SVEP1: variants seen among roughly 807,000 people sequenced by gnomAD.
SVEP1 encodes the protein sushi, von Willebrand factor type A, EGF and pentraxin domain-containing protein 1.
A neutral mutation model predicts 367.3 loss-of-function variants in SVEP1; 164 were observed. The ratio of observed to expected loss-of-function variants is 0.45; its 90% CI spans 0.39 to 0.51. SVEP1 has a LOEUF of 0.51. Among genes scored for constraint, SVEP1 ranks in the 20% least tolerant of loss-of-function variants. SVEP1 has a pLI of 0.00. For missense variants in SVEP1, 4,117 were observed against 4,425.3 expected, an observed-to-expected ratio of 0.93 and a Z score of 1.98; for synonymous variants, 1,666 against 1,611.6, an observed-to-expected ratio of 1.03 and a Z score of -0.81.
chr9:110,435,377 T>C lies in SVEP1; in HGVS notation c.4765-13A>G, dbSNP rs13288154. On this transcript the variant is annotated splice_polypyrimidine_tract_variant and intron_variant, in intron 28 of 47. Transcript: ENST00000374469. ...CCAGTGACTTCACCTGAAAGTTTAA[T>C]AACACTTTAGATAAGCCTTACTTGT... 0.085 allele frequency: 136,598 copies of C among 1,611,904 alleles called. 6,519 individuals are homozygous for C. Among genetic ancestry groups the C allele is most frequent in the Non-Finnish European group, 0.098 (115,116 of 1,178,470 alleles).
chr9:110,446,934 A>G lies in SVEP1; in HGVS notation c.4227T>C (p.Cys1409=). Reference sequence around the variant, plus strand: ...ACCTTTTGCCTGAAAATCCTGGCTGACATTTACAACTGTATGAATTTAATT... The same window carrying G: ...ACCTTTTGCCTGAAAATCCTGGCTGGCATTTACAACTGTATGAATTTAATT... ...VDELNSYSCK[C]QPGFSGKRCE... is the part of the protein sequence containing the mutation. The change falls in exon 25 of 48, where the codon TGT becomes TGC. Residue 1409 remains cysteine, a synonymous_variant. Transcript: ENST00000374469. 3 of 1,539,878 alleles carry G rather than the reference A, an allele frequency of 1.9e-6. No homozygotes were observed. The highest frequency in any genetic ancestry group is 2.6e-6 in the Non-Finnish European group (3 of 1,142,576).
At chr9:110,451,265 A>G (rs1446743894) in intron 23 of SVEP1, 24 bp downstream of exon 23, 1 of 1,575,174 alleles carries the variant, frequency 6.3e-7, no homozygotes, top group Non-Finnish European at 8.7e-7. Flanking sequence ...TTAAGACAAC[A>G]TAGGAAGACT....
At position 110,459,072 on chromosome 9, in the gene SVEP1, G is replaced by A. The variant is rs757038577; in HGVS notation, c.3364C>T (p.Pro1122Ser). The change falls in exon 19 of 48, where the codon CCC becomes TCC. Residue 1122 changes from proline to serine, a missense_variant. By Grantham distance (74) the Pro-to-Ser change is moderately conservative. Coordinates refer to ENST00000374469, the MANE Select transcript of SVEP1 (RefSeq NM_153366.4). ...TAGTCACGAGGACATGGGTGACAGG[G>A]CATTAACCCAGAACGCGAGAATTTT... ...EGKFSRSGLM[P>S]CHPCPRDYYQ... is the part of the protein sequence containing the mutation. 5 of 1,613,734 alleles carry A rather than the reference G, an allele frequency of 3.1e-6. No homozygotes were observed. In the Middle Eastern group the frequency reaches 6.6e-4, roughly 213 times the overall value.
At chr9:110,367,062 A>T (rs2118930100) in intron 47 of SVEP1, among the ~76,000 whole-genome samples, 1 of 152,360 alleles carries the variant, frequency 6.6e-6, no homozygotes, top group South Asian at 2.1e-4. Flanking sequence ...GGATGCCACA[A>T]GGCATTTCTC....
At chr9:110,430,990 A>C (rs560612893) in intron 32 of SVEP1, among the ~76,000 whole-genome samples, 9 of 152,344 alleles carry the variant, frequency 5.9e-5, no homozygotes, top group African/African-American at 2.2e-4. Context: ...TGAGCAAGAA[A>C]AGTGAATATA....
At chr9:110,398,041 C>G (rs1469819751) in intron 40 of SVEP1, among the ~76,000 whole-genome samples, 1 of 146,522 alleles carries the variant, frequency 6.8e-6, no homozygotes, top group Non-Finnish European at 1.5e-5. Flanking sequence ...CAAGTCAATC[C>G]TAAGCCAAAA....
chr9:110,557,640 A>G (rs897576896), intron 1 of SVEP1, among the ~76,000 whole-genome samples: 2 of 152,156 alleles, frequency 1.3e-5, no homozygotes, highest in Non-Finnish European at 2.9e-5. Flanking sequence ...CTTTTTCACC[A>G]TCCATGAATG....
Position 110,465,446 on chromosome 9 carries a change from C to T in SVEP1, c.3322+419G>A, listed in dbSNP as rs75969028. On this transcript the variant is annotated intron_variant, in intron 18 of 47. Transcript: ENST00000374469. ...TGCTGCCTGACTGAATAACTACTCA[C>T]GAAAACCTTCAACTCGTAAGGAATG... 9.9e-3 allele frequency among the ~76,000 whole-genome samples: 1,508 copies of T among 152,182 alleles called. 14 individuals are homozygous for T. Among genetic ancestry groups the T allele is most frequent in the Non-Finnish European group, 0.015 (1,001 of 68,018 alleles).
At chr9:110,479,828 T>G (rs939291446) in intron 12 of SVEP1, 72 bp from the exon 13 acceptor site, 1 of 1,544,376 alleles carries the variant, frequency 6.5e-7, no homozygotes, top group Non-Finnish European at 8.7e-7. Flanking sequence ...TTCTATGAAA[T>G]AATTGAAACA....
chr9:110,575,026 T>A (rs1362099976), intron 1 of SVEP1, among the ~76,000 whole-genome samples: 2 of 152,178 alleles, frequency 1.3e-5, no homozygotes, highest in Non-Finnish European at 2.9e-5. Context: ...ATTACAGGCC[T>A]GAGCCACCGC....
intron 3 of SVEP1, among the ~76,000 whole-genome samples, chr9:110,514,376 G>A (rs1829768756): frequency 6.6e-6 from 1 of 151,990 alleles, no homozygotes; most frequent in African/African-American, 2.4e-5. Context: ...AGCTGGGTGT[G>A]GTGGCGTGTG....
At position 110,429,213 on chromosome 9, in the gene SVEP1, T is replaced by G. The variant is rs746602587; in HGVS notation, c.5737A>C (p.Asn1913His). The change falls in exon 35 of 48, where the codon AAT becomes CAT. Residue 1913 changes from asparagine to histidine, a missense_variant. Asn to His is a moderately conservative substitution (Grantham distance 68). Coordinates refer to ENST00000374469, the MANE Select transcript of SVEP1 (RefSeq NM_153366.4). Reference sequence around the variant, plus strand: ...AGCCCACTCAAAATATATTTTCCATTATTTATATTTTCCGGACTAGAACAC... The same window carrying G: ...AGCCCACTCAAAATATATTTTCCATGATTTATATTTTCCGGACTAGAACAC... ...VKCSSPENIN[N>H]GKYILSGLTY... is the part of the protein sequence containing the mutation. 6.3e-7 allele frequency: 1 copy of G among 1,596,650 alleles called. No homozygotes were observed. Among genetic ancestry groups the G allele is most frequent in the Admixed American group, 1.7e-5 (1 of 57,670 alleles).
intron 40 of SVEP1, among the ~76,000 whole-genome samples, chr9:110,393,554 T>C (rs10759429): frequency 0.66 from 99,803 of 152,066 alleles, 32,813 homozygotes; most frequent in Middle Eastern, 0.78. Flanking sequence ...CAAAGCAGAA[T>C]GAGGCATCGC....
At chr9:110,452,796 T>C (rs1828713281) in intron 22 of SVEP1, among the ~76,000 whole-genome samples, 1 of 152,240 alleles carries the variant, frequency 6.6e-6, no homozygotes, top group Admixed American at 6.5e-5. Context: ...TGATAGAGTA[T>C]GCTATCACTT....
chr9:110,542,682 A>G (rs530491939), intron 3 of SVEP1, among the ~76,000 whole-genome samples: 28 of 152,148 alleles, frequency 1.8e-4, no homozygotes, highest in Non-Finnish European at 2.9e-4. Context: ...TCTGCTCACT[A>G]TTGAATACCT....
Position 110,435,367 on chromosome 9 carries a change from G to A in SVEP1, c.4765-3C>T. 1 of 1,612,546 alleles carries A rather than the reference G, an allele frequency of 6.2e-7. No individual in the cohort carries two copies. Among genetic ancestry groups the A allele is most frequent in the Non-Finnish European group, 8.5e-7 (1 of 1,178,992 alleles). On this transcript the variant is annotated splice_region_variant and splice_polypyrimidine_tract_variant and intron_variant, in intron 28 of 47. Coordinates refer to ENST00000374469, the MANE Select transcript of SVEP1 (RefSeq NM_153366.4). The stretch of plus-strand genomic sequence containing the variant: ...CAGGAGGTAGCCAGTGACTTCACCT[G>A]AAAGTTTAATAACACTTTAGATAAG...
At chr9:110,390,054 TATATATATAA>T (rs1827609466) in intron 40 of SVEP1, among the ~76,000 whole-genome samples, 3 of 90,252 alleles carry the variant, frequency 3.3e-5, no homozygotes, top group Non-Finnish European at 6.8e-5. Flanking sequence ...TATATACACG[TATATATATAA>T]GTATATATAT....
At position 110,406,906 on chromosome 9, in the gene SVEP1, G is replaced by C; in HGVS notation, c.8694C>G (p.Ala2898=). 2 of 1,613,922 alleles carry C rather than the reference G, an allele frequency of 1.2e-6. No homozygotes were observed. The highest frequency in any genetic ancestry group is 1.7e-6 in the Non-Finnish European group (2 of 1,179,888). ...AGTCCAGGCCTTCCGTCACCCCATTGGCCAGTTGTGGCGGGGTGGCACATC... is the reference window on the plus strand; with the variant it reads ...AGTCCAGGCCTTCCGTCACCCCATTCGCCAGTTGTGGCGGGGTGGCACATC... ...PVRCATPPQL[A]NGVTEGLDYG... Residue 2898 remains alanine (A), a synonymous_variant, in exon 38 of 48, where the codon GCC becomes GCG. Coordinates refer to ENST00000374469, the MANE Select transcript of SVEP1 (RefSeq NM_153366.4).
intron 3 of SVEP1, among the ~76,000 whole-genome samples, chr9:110,518,223 G>T (rs1272331342): frequency 6.6e-6 from 1 of 152,044 alleles, no homozygotes; most frequent in African/African-American, 2.4e-5. Flanking sequence ...AGAAGTTCGA[G>T]ACTAGCCTGG....
Sources: allele counts gnomAD v4.1 joint callset (sites outside exome capture counted in the v4.1 genomes callset), GRCh38; gene constraint gnomAD v4.1.1; transcripts MANE v1.5; gene names NCBI Gene and HGNC (gene_info 2026-07-23, HGNC 2026-07-21).